Variants in SPEN observed in about 807,000 individuals in gnomAD.
The protein encoded by SPEN is spen family transcriptional repressor.
Under a neutral mutation model 269.9 loss-of-function variants are expected in SPEN, and 18 were observed. The ratio of observed to expected loss-of-function variants is 0.07; its 90% CI spans 0.05 to 0.10. SPEN has a LOEUF of 0.10. SPEN is among the 10% of genes least tolerant of loss of function. The pLI, the probability that SPEN is intolerant of heterozygous loss-of-function variation, is 1.00. For missense variants in SPEN, 3,822 were observed against 4,631.2 expected (o/e 0.83, Z 5.07); for synonymous variants, 1,726 against 1,765.7 (o/e 0.98, Z 0.56).
Position 15,933,270 on chromosome 1 carries a change from A to G in SPEN, c.7030A>G (p.Thr2344Ala), listed in dbSNP as rs1246062817. ...AACCCGATCACGCCGCAAGCGAAAC[A>G]CAAACAAGAAAGTGGTGGCTCCTGT... ...KTTRSRRKRN[T>A]NKKVVAPVES... Residue 2344 changes from threonine to alanine, a missense_variant, in exon 11 of 15, where the codon ACA becomes GCA. Coordinates refer to ENST00000375759, the MANE Select transcript of SPEN (RefSeq NM_015001.3). This position sits in a 1 kb window ranked among gnomAD's most constrained non-coding sequence, Gnocchi z 5.7. The G allele has an allele frequency of 6.2e-7, 1 of 1,614,194 alleles. No homozygotes were observed. The highest frequency in any genetic ancestry group is 1.1e-5 in the South Asian group (1 of 91,082).
chr1:15,928,952 T>G lies in SPEN; in HGVS notation c.2712T>G (p.Asp904Glu). ...TPVEKLKAKL[D>E]NDTVKSSALD... ...TGGAAAAGTTGAAAGCCAAGCTTGATAATGACACTGTCAAATCTTCTGCCC... is the reference window on the plus strand; with the variant it reads ...TGGAAAAGTTGAAAGCCAAGCTTGAGAATGACACTGTCAAATCTTCTGCCC... The change falls in exon 11 of 15, where the codon GAT becomes GAG. Residue 904 changes from aspartate (D) to glutamate (E), a missense_variant. By Grantham distance (45) the Asp-to-Glu change is conservative. This residue lies in a region of SPEN where 572 missense variants were observed against 582.6 expected (regional missense o/e 0.98). Coordinates refer to ENST00000375759, the MANE Select transcript of SPEN (RefSeq NM_015001.3). This position sits in a 1 kb window ranked among gnomAD's most constrained non-coding sequence, Gnocchi z 5.7. The G allele has an allele frequency of 1.2e-6, 2 of 1,614,242 alleles. No homozygotes were observed. Among genetic ancestry groups the G allele is most frequent in the African/African-American group, 2.7e-5 (2 of 75,068 alleles).
At chr1:15,852,549 A>G (rs1165411903) in intron 1 of SPEN, among the ~76,000 whole-genome samples, 1 of 152,190 alleles carries the variant, frequency 6.6e-6, no homozygotes, top group Non-Finnish European at 1.5e-5. Flanking sequence ...AGATTGGAGG[A>G]AAATATAGGG....
intron 9 of SPEN, among the ~76,000 whole-genome samples, chr1:15,921,332 A>G (rs541112958): frequency 7.0e-4 from 107 of 152,262 alleles, no homozygotes; most frequent in Non-Finnish European, 1.2e-3. Context: ...TCCATCTCCA[A>G]AAAAAAGAAA....
In SPEN at chr1:15,849,709, C is replaced by T. The variant is rs982767249; in HGVS notation, c.83+1559C>T. On this transcript the variant is annotated intron_variant, in intron 1 of 14. Transcript: ENST00000375759. ...GGATTGGGAAGCAGATGGGAACTTT[C>T]TCTTCCTGGCGCTGCTCCACCCCTT... Among the ~76,000 whole-genome samples the T allele has an allele frequency of 1.8e-4, 27 of 152,256 alleles. 1 individual carries two copies. The highest frequency in any genetic ancestry group is 2.4e-4 in the Non-Finnish European group (16 of 68,014).
intron 6 of SPEN, among the ~76,000 whole-genome samples, chr1:15,916,635 C>A (rs1441379587): frequency 6.6e-6 from 1 of 151,692 alleles, no homozygotes; most frequent in Non-Finnish European, 1.5e-5. Context: ...CTCTCAGTCT[C>A]CTGAGTAGCT....
At chr1:15,876,861 T>C (rs1010026727) in intron 3 of SPEN, 183 bp downstream of exon 3, 16 of 594,316 alleles carry the variant, frequency 2.7e-5, no homozygotes, top group Non-Finnish European at 1.5e-5. Flanking sequence ...CGAAGTTAAG[T>C]GATGATTTGC....
chr1:15,873,828 T>C, intron 2 of SPEN: 1 of 1,036,750 alleles, frequency 9.6e-7, no homozygotes, highest in South Asian at 3.6e-5. Flanking sequence ...GCCATTCTTT[T>C]CTAATTGCTG....
intron 10 of SPEN, among the ~76,000 whole-genome samples, chr1:15,927,470 G>GTCT (rs2148737375): frequency 6.6e-6 from 1 of 152,320 alleles, no homozygotes; most frequent in East Asian, 1.9e-4. Flanking sequence ...GAATTAGATA[G>GTCT]AAGTGTTACC....
In SPEN at chr1:15,876,662, A is replaced by G. The variant is rs146674326; in HGVS notation, c.865A>G (p.Ser289Gly). 3.1e-6 allele frequency: 5 copies of G among 1,612,184 alleles called. No homozygotes were observed. Among genetic ancestry groups the G allele is most frequent in the Non-Finnish European group, 4.2e-6 (5 of 1,178,942 alleles). ...SSSDSISSSSSTSSDSSDSSS... is the reference protein window; with the variant it reads ...SSSDSISSSSGTSSDSSDSSS... ...TAGTGATTCAATCAGCAGCAGCAGT[A>G]GTACCAGCAGTGACAGGTAGGTTAA... The change falls in exon 3 of 15, where the codon AGT (serine) becomes GGT (glycine). Residue 289 changes from serine to glycine, a missense_variant. Transcript: ENST00000375759.
Position 15,938,706 on chromosome 1 carries a change from C to CCTCT in SPEN, c.10705-11_10705-8dup. ...GAGGCCCCTGCTCACTGGCAGCTGG[C>CCTCT]CTCTGCCTCAGGTGGAGACAGATTA... On this transcript the variant is annotated splice_polypyrimidine_tract_variant and intron_variant, in intron 13 of 14. Transcript: ENST00000375759. The CCTCT allele has an allele frequency of 4.4e-6, 7 of 1,608,672 alleles. No individual in the cohort carries two copies. The highest frequency in any genetic ancestry group is 5.9e-6 in the Non-Finnish European group (7 of 1,177,160).
At chr1:15,873,334 T>G in intron 2 of SPEN, 198 bp downstream of exon 2, 1 of 985,402 alleles carries the variant, frequency 1.0e-6, no homozygotes, top group Non-Finnish European at 1.2e-6. Flanking sequence ...TGCAGCTGAT[T>G]GGATATCTGT....
At chr1:15,900,381 A>G (rs2070888244) in intron 3 of SPEN, among the ~76,000 whole-genome samples, 1 of 152,194 alleles carries the variant, frequency 6.6e-6, no homozygotes, top group South Asian at 2.1e-4. Context: ...CATTGATGTA[A>G]ACCTTACACT....
intron 1 of SPEN, among the ~76,000 whole-genome samples, chr1:15,852,541 A>G (rs571321485): frequency 8.5e-5 from 13 of 152,320 alleles, no homozygotes; most frequent in African/African-American, 3.1e-4. Context: ...CCCCTGGCAG[A>G]TTGGAGGAAA....
intron 3 of SPEN, among the ~76,000 whole-genome samples, chr1:15,888,971 A>C (rs986429012): frequency 1.3e-5 from 2 of 151,988 alleles, no homozygotes; most frequent in African/African-American, 4.8e-5. Context: ...ATTGCAGTTT[A>C]GGTGATCTTG....
rs201014327 is a variant in SPEN, at chr1:15,892,067, C to CTGGA, written c.881+15390_881+15393dup. Among the ~76,000 whole-genome samples the CTGGA allele has an allele frequency of 3.0e-4, 36 of 121,326 alleles. No individual in the cohort carries two copies. The East Asian group carries it at 8.7e-3, about 29-fold the overall frequency. 79.6% of individuals were successfully genotyped at this position (121,326 alleles called of 152,430 possible). ...ATGGAGTCTCGCTCTGTCGCCCAGG[C>CTGGA]TGGAGTGCAGTGGCGTAATCTTGGC... On this transcript the variant is annotated intron_variant, in intron 3 of 14. Transcript: ENST00000375759.
intron 3 of SPEN, among the ~76,000 whole-genome samples, chr1:15,904,471 AAAAAAAGT>A (rs1395908190): frequency 6.9e-6 from 1 of 144,978 alleles, no homozygotes; most frequent in Non-Finnish European, 1.5e-5. Flanking sequence ...AAAAAAAAAA[AAAAAAAGT>A]GAACTAAAAA....
rs1215369183 is a variant in SPEN at position 15,904,452 on chromosome 1, C to CAAAAAAAAAAAAAAAAAAAA, written c.882-4863_882-4844dup. 1.7e-3 allele frequency among the ~76,000 whole-genome samples: 85 copies of CAAAAAAAAAAAAAAAAAAAA among 48,608 alleles called. 1 individual carries two copies. The highest frequency in any genetic ancestry group is 6.2e-3 in the South Asian group (5 of 804). 31.9% of individuals were successfully genotyped at this position (48,608 alleles called of 152,430 possible). ...GGGCAATAAGAGCGAAACTCCATCT[C>CAAAAAAAAAAAAAAAAAAAA]AAAAAAAAAAAAAAAAAAAAAAAAA... On this transcript the variant is annotated intron_variant, in intron 3 of 14. Transcript: ENST00000375759.
chr1:15,860,071 C>G (rs1054949383), intron 1 of SPEN, among the ~76,000 whole-genome samples: 1 of 151,454 alleles, frequency 6.6e-6, no homozygotes. Flanking sequence ...GCCACCACAC[C>G]CGGCTAATTT....
rs2070596812 is a variant in SPEN at position 15,873,007 on chromosome 1, A to G, written c.275A>G (p.Asp92Gly). ...GTIPSAARGL[D>G]DTVSIASRSR... is the part of the protein sequence containing the mutation. ...ATCCCGAGTGCTGCTCGGGGATTGGATGATACAGTTTCCATAGCATCTCGT... is the reference window on the plus strand; with the variant it reads ...ATCCCGAGTGCTGCTCGGGGATTGGGTGATACAGTTTCCATAGCATCTCGT... Residue 92 changes from aspartate (D) to glycine (G), a missense_variant, in exon 2 of 15, where the codon GAT becomes GGT. Physicochemically the swap from Asp to Gly is moderately conservative, Grantham distance 94. Coordinates refer to ENST00000375759, the MANE Select transcript of SPEN (RefSeq NM_015001.3). The G allele has an allele frequency of 6.2e-7, 1 of 1,614,144 alleles. No individual in the cohort carries two copies.
Sources: gnomAD v4.1 joint callset for allele counts (sites outside exome capture counted in the v4.1 genomes callset) on GRCh38, gnomAD v4.1.1 for gene constraint, gnomAD v4.1.1 regional missense constraint, Gnocchi (gnomAD v3.1) non-coding constraint, MANE v1.5 for transcripts, NCBI Gene and HGNC (gene_info 2026-07-23, HGNC 2026-07-21) for gene names.